Variants in SMC2 observed in about 807,000 individuals in gnomAD.
SMC2 encodes the protein structural maintenance of chromosomes protein 2.
Under a neutral mutation model 142.6 loss-of-function variants are expected in SMC2, and 41 were observed. That is an observed-to-expected ratio of 0.29 (90% confidence interval 0.22 to 0.37). The LOEUF (loss-of-function observed/expected upper bound fraction) is 0.37, where lower values mean the gene tolerates loss of function less well. Among genes scored for constraint, SMC2 ranks in the 10% least tolerant of loss-of-function variants. The pLI is 1.00. For synonymous variants in SMC2, 463 were observed against 457.5 expected (o/e 1.01, Z -0.15); for missense variants, 1,265 against 1,373.7 (o/e 0.92, Z 1.25).
intron 18 of SMC2, among the ~76,000 whole-genome samples, chr9:104,125,982 T>C (rs1208212265): frequency 1.3e-5 from 2 of 152,010 alleles, no homozygotes; most frequent in Admixed American, 6.6e-5. Flanking sequence ...ACAGAGGAGG[T>C]GTGTGACAGG....
intron 9 of SMC2, among the ~76,000 whole-genome samples, chr9:104,106,735 C>G (rs945894190): frequency 6.6e-6 from 1 of 152,114 alleles, no homozygotes; most frequent in Non-Finnish European, 1.5e-5. Context: ...CTAAGTTGCC[C>G]TTCTCTTGAC....
chr9:104,117,820 G>T (rs1046822672), intron 14 of SMC2, among the ~76,000 whole-genome samples: 1 of 152,134 alleles, frequency 6.6e-6, no homozygotes, highest in African/African-American at 2.4e-5. Flanking sequence ...AAGCATTTAG[G>T]ATAAAGGATA....
chr9:104,113,114 T>TATTA (rs1232814885), intron 10 of SMC2, among the ~76,000 whole-genome samples: 1 of 152,166 alleles, frequency 6.6e-6, no homozygotes, highest in African/African-American at 2.4e-5. Context: ...ATTAATCATA[T>TATTA]ATTAGTTTAT....
At chr9:104,136,577 C>G (rs570949026) in intron 23 of SMC2, among the ~76,000 whole-genome samples, 1 of 151,746 alleles carries the variant, frequency 6.6e-6, no homozygotes, top group Admixed American at 6.6e-5. Context: ...GTAGTTAAAC[C>G]CTTCAGCACA....
rs768696470 is a variant in SMC2, at chr9:104,114,091, T to G, written c.1532+10T>G. 5.8e-6 allele frequency: 8 copies of G among 1,387,700 alleles called. No homozygotes were observed. Among genetic ancestry groups the G allele is most frequent in the Admixed American group, 4.4e-5 (2 of 45,598 alleles). The allele number at this position is 1,387,700 out of a possible 1,614,324, so 86.0% of individuals were successfully genotyped here. A position where few individuals can be genotyped will look rare whatever the true frequency, so the allele number is the denominator to read the frequency against. ...TTCGATTTGCATACAAGTAAGAGAC[T>G]TAAGCCTTGAATTTTAACATAGTAA... is the stretch of plus-strand genomic sequence containing the variant. On this transcript the variant is annotated intron_variant, in intron 12 of 24. Transcript: ENST00000374793.
rs560803104 is a variant in SMC2 at position 104,102,077 on chromosome 9, G to A, written c.754G>A (p.Glu252Lys). 3.1e-6 allele frequency: 5 copies of A among 1,609,724 alleles called. No homozygotes were observed. Among genetic ancestry groups the A allele is most frequent in the South Asian group, 2.2e-5 (2 of 90,868 alleles). ...AEDTKVRSAE[E>K]LKEMQDKVIK... ...AGATACCAAAGTACGCTCAGCTGAGGAATTAAAAGAAATGCAAGATAAAGT... is the reference window on the plus strand; with the variant it reads ...AGATACCAAAGTACGCTCAGCTGAGAAATTAAAAGAAATGCAAGATAAAGT... Residue 252 changes from glutamate to lysine, a missense_variant, in exon 8 of 25, where the codon GAA (glutamate) becomes AAA (lysine). By Grantham distance (56) the Glu-to-Lys change is moderately conservative. This residue lies in a region of SMC2 where 898 missense variants were observed against 904.2 expected (regional missense o/e 0.99). Coordinates refer to ENST00000374793, the MANE Select transcript of SMC2 (RefSeq NM_006444.3).
intron 2 of SMC2, 40 bp from the exon 3 acceptor site, chr9:104,096,108 G>A: frequency 6.3e-7 from 1 of 1,588,018 alleles, no homozygotes; most frequent in Non-Finnish European, 8.6e-7. Flanking sequence ...TGTACGGTAG[G>A]GAGTTTTGTA....
At chr9:104,093,253 A>G (rs1830091012), upstream of SMC2, among the ~76,000 whole-genome samples, 1 of 152,186 alleles carries the variant, frequency 6.6e-6, no homozygotes. Flanking sequence ...ACTCTTAAGT[A>G]TCAACGTGCT....
At chr9:104,099,827 T>G (rs1830913041) in intron 5 of SMC2, 145 bp downstream of exon 5, 1 of 623,876 alleles carries the variant, frequency 1.6e-6, no homozygotes, top group Non-Finnish European at 2.8e-6. Context: ...TGTGTAATAT[T>G]TGGCACTATG....
chr9:104,089,752 G>A (rs368966817), upstream of SMC2, among the ~76,000 whole-genome samples: 14 of 152,026 alleles, frequency 9.2e-5, no homozygotes, highest in East Asian at 1.4e-3. Context: ...GGGTTCAAGC[G>A]ATTCTCGTGC....
chr9:104,095,532 G>A lies in SMC2; in HGVS notation c.148G>A (p.Gly50Ser). 1 of 1,613,864 alleles carries A rather than the reference G, an allele frequency of 6.2e-7. No homozygotes were observed. Among genetic ancestry groups the A allele is most frequent in the Non-Finnish European group, 8.5e-7 (1 of 1,179,844 alleles). Residue 50 changes from glycine (G) to serine (S), a missense_variant, in exon 2 of 25, where the codon GGC becomes AGC. Coordinates refer to ENST00000374793, the MANE Select transcript of SMC2 (RefSeq NM_006444.3). ...NILDSICFLL[G>S]ISNLSQVRAS... The stretch of plus-strand genomic sequence containing the variant: ...ATTGGACTCCATCTGCTTTTTGCTG[G>A]GCATCTCCAACCTGTCTCAGGTAAA...
At position 104,129,693 on chromosome 9, in the gene SMC2, C is replaced by G; in HGVS notation, c.2839C>G (p.Leu947Val). ...TGACTGGATTAATGCAGAGAGACAC[C>G]TCTTTGGCCAACCCAATAGTGCCTA... is the stretch of plus-strand genomic sequence containing the variant. ...DYDWINAERH[L>V]FGQPNSAYDF... Residue 947 changes from leucine to valine, a missense_variant, in exon 21 of 25, where the codon CTC becomes GTC. Physicochemically the swap from Leu to Val is conservative, Grantham distance 32 (BLOSUM62 1). Transcript: ENST00000374793. The G allele has an allele frequency of 1.2e-6, 2 of 1,613,950 alleles. No homozygotes were observed. Among genetic ancestry groups the G allele is most frequent in the Admixed American group, 1.7e-5 (1 of 60,004 alleles).
At chr9:104,134,389 T>G in intron 22 of SMC2, 26 bp from the exon 23 acceptor site, 4 of 1,549,372 alleles carry the variant, frequency 2.6e-6, no homozygotes, top group Non-Finnish European at 3.5e-6. Flanking sequence ...TCCTGATGTT[T>G]TAACTTTTTT....
rs1037996022 is a variant in SMC2 at position 104,111,688 on chromosome 9, A to T, written c.1128A>T (p.Ala376=). The part of the protein sequence containing the change: ...SNKDAEALAA[A]QQHFNAVSAG... Reference sequence around the variant, plus strand: ...AAGATGCTGAAGCTCTGGCAGCTGCACAGCAGCACTTCAATGCTGTTTCCG... The same window carrying T: ...AAGATGCTGAAGCTCTGGCAGCTGCTCAGCAGCACTTCAATGCTGTTTCCG... The change falls in exon 10 of 25, where the codon GCA becomes GCT. Residue 376 remains alanine, a synonymous_variant. Coordinates refer to ENST00000374793, the MANE Select transcript of SMC2 (RefSeq NM_006444.3). 6.8e-6 allele frequency: 11 copies of T among 1,613,878 alleles called. No homozygotes were observed. In the Admixed American group the frequency reaches 1.2e-4, roughly 17 times the overall value.
Position 104,102,588 on chromosome 9 carries a change from T to C in SMC2, c.1020+15T>C, listed in dbSNP as rs1199453388. Reference sequence around the variant, plus strand: ...ATATGGTTGAGGTAAGTGAGCTTAATGTGCCACTAGTGCCACTTGTAGACA... The same window carrying C: ...ATATGGTTGAGGTAAGTGAGCTTAACGTGCCACTAGTGCCACTTGTAGACA... On this transcript the variant is annotated intron_variant, in intron 9 of 24. Coordinates refer to ENST00000374793, the MANE Select transcript of SMC2 (RefSeq NM_006444.3). 1.2e-6 allele frequency: 2 copies of C among 1,609,706 alleles called. No homozygotes were observed. Among genetic ancestry groups the C allele is most frequent in the Non-Finnish European group, 1.7e-6 (2 of 1,178,104 alleles).
chr9:104,116,472 G>A (rs905674970), intron 14 of SMC2, among the ~76,000 whole-genome samples, 153 bp downstream of exon 14: 1 of 152,128 alleles, frequency 6.6e-6, no homozygotes, highest in Non-Finnish European at 1.5e-5. Flanking sequence ...GATGATAAGA[G>A]AATAGAGATG....
At chr9:104,098,346 T>C in intron 3 of SMC2, 100 bp from the exon 4 acceptor site, 1 of 998,948 alleles carries the variant, frequency 1.0e-6, no homozygotes, top group Middle Eastern at 3.3e-4. Context: ...TGTTTACTGC[T>C]AGTCAGACAG....
In SMC2 at chr9:104,095,354, A is replaced by G. The variant is rs756367081; in HGVS notation, c.-31A>G. The G allele has an allele frequency of 1.9e-6, 3 of 1,593,052 alleles. No individual in the cohort carries two copies. In the African/African-American group the frequency reaches 4.0e-5, roughly 21 times the overall value. ...GTTTGTGGCCTGTTTGATTCCTGTC[A>G]GAGGTTTGCTGACCCAAGACAGTAT... On this transcript the variant is annotated 5_prime_UTR_variant, in exon 2 of 25. Transcript: ENST00000374793.
chr9:104,088,980 TAAAA>T, the SMC2 span, among the ~76,000 whole-genome samples: 1 of 146,698 alleles, frequency 6.8e-6, no homozygotes. Context: ...TCACAACAGT[TAAAA>T]AAAAAAAAAA....
Sources: allele counts gnomAD v4.1 joint callset (sites outside exome capture counted in the v4.1 genomes callset), GRCh38; gene constraint gnomAD v4.1.1; regional missense constraint gnomAD v4.1.1; transcripts MANE v1.5; gene names NCBI Gene and HGNC (gene_info 2026-07-23, HGNC 2026-07-21).